Variants in ACBD5 observed in about 807,000 individuals in gnomAD.
ACBD5 encodes acyl-CoA-binding domain-containing protein 5.
A neutral mutation model predicts 71.8 loss-of-function variants in ACBD5; 40 were observed. The ratio of observed to expected loss-of-function variants is 0.56; its 90% CI spans 0.43 to 0.72. The LOEUF is 0.72. Ranked by LOEUF, ACBD5 falls within the 30% of genes least tolerant of loss-of-function variation. The pLI is 0.00. For synonymous variants in ACBD5, 229 were observed against 218.6 expected (o/e 1.05, Z -0.42); for missense variants, 559 against 644.5 (o/e 0.87, Z 1.44).
At chr10:27,213,556 G>A (rs955474034) in intron 8 of ACBD5, among the ~76,000 whole-genome samples, 3 of 152,098 alleles carry the variant, frequency 2.0e-5, no homozygotes, top group East Asian at 1.9e-4. Flanking sequence ...TCAGGAGTTC[G>A]AGACCAGCCT....
In ACBD5 at chr10:27,240,485, CTG is replaced by C. The variant is rs1319761196; in HGVS notation, c.16-3_16-2del. The C allele has an allele frequency of 1.9e-6, 3 of 1,607,192 alleles. No homozygotes were observed. Among genetic ancestry groups the C allele is most frequent in the South Asian group, 1.1e-5 (1 of 90,500 alleles). The stretch of plus-strand genomic sequence containing the variant: ...AGCTTTCCCAAGAGCCTGCATGAAA[CTG>C]GAACATGGAGCGCAGCCGCGGATCA... On this transcript the variant is annotated splice_acceptor_variant and splice_polypyrimidine_tract_variant and intron_variant, in intron 1 of 12. Transcript: ENST00000396271. LOFTEE classifies it high-confidence loss of function. This position sits in a 1 kb window ranked among gnomAD's most constrained non-coding sequence, Gnocchi z 4.1.
At chr10:27,193,642 C>T (rs1175863652), downstream of ACBD5, 1 of 152,188 alleles carries the variant, frequency 6.6e-6, no homozygotes, top group Non-Finnish European at 1.5e-5. Flanking sequence ...GCTTTCTGCG[C>T]TTCACTCTGT....
intron 13 of ACBD5, chr10:27,186,605 T>C (rs2058767601): frequency 7.7e-7 from 1 of 1,299,862 alleles, no homozygotes. Flanking sequence ...TACTCCTTAA[T>C]ACTAGATTGA....
chr10:27,185,154 G>GT (rs1271071015), intron 13 of ACBD5, among the ~76,000 whole-genome samples: 1 of 152,164 alleles, frequency 6.6e-6, no homozygotes, highest in Non-Finnish European at 1.5e-5. Flanking sequence ...GGAGAAGGGG[G>GT]TGAGCTTCAT....
intron 5 of ACBD5, among the ~76,000 whole-genome samples, chr10:27,221,765 T>C (rs2062365244): frequency 6.6e-6 from 1 of 151,720 alleles, no homozygotes; most frequent in Non-Finnish European, 1.5e-5. Flanking sequence ...AATACAAAAA[T>C]TAGCCATACA....
intron 7 of ACBD5, among the ~76,000 whole-genome samples, chr10:27,216,884 C>T (rs186160666): frequency 6.6e-5 from 10 of 152,112 alleles, no homozygotes; most frequent in African/African-American, 1.4e-4. Context: ...CTGTGGCTCA[C>T]GCCTGTAATC....
At chr10:27,214,193 G>A (rs1379490574) in intron 8 of ACBD5, among the ~76,000 whole-genome samples, 4 of 152,016 alleles carry the variant, frequency 2.6e-5, no homozygotes, top group South Asian at 4.1e-4. Flanking sequence ...GGCTATAGTC[G>A]GCAATACTTT....
chr10:27,200,353 A>G (rs1381206504), intron 12 of ACBD5, among the ~76,000 whole-genome samples: 1 of 152,186 alleles, frequency 6.6e-6, no homozygotes, highest in Non-Finnish European at 1.5e-5. Flanking sequence ...TATGGTCTAA[A>G]AAGGGGAGGC....
chr10:27,229,555 GAAT>G (rs1188609409), intron 4 of ACBD5, among the ~76,000 whole-genome samples: 1 of 151,806 alleles, frequency 6.6e-6, no homozygotes, highest in African/African-American at 2.4e-5. Context: ...AAAAAAAAAA[GAAT>G]AATGACAAAA....
intron 5 of ACBD5, among the ~76,000 whole-genome samples, chr10:27,221,058 G>A (rs774555109): frequency 1.6e-4 from 24 of 152,154 alleles, no homozygotes; most frequent in Non-Finnish European, 3.2e-4. Flanking sequence ...AAGATCAAAG[G>A]AGTAAATAAC....
intron 4 of ACBD5, among the ~76,000 whole-genome samples, chr10:27,229,831 A>C (rs1250634442): frequency 6.6e-6 from 1 of 152,208 alleles, no homozygotes; most frequent in Non-Finnish European, 1.5e-5. Flanking sequence ...TCATATTCAC[A>C]ATACGCAATG....
intron 12 of ACBD5, among the ~76,000 whole-genome samples, chr10:27,199,251 C>T (rs1313404986): frequency 2.0e-5 from 3 of 150,716 alleles, no homozygotes; most frequent in African/African-American, 4.9e-5. Context: ...TGCAGTGGCG[C>T]GCGACCTCGG....
At chr10:27,220,322 G>A (rs2062177487) in intron 5 of ACBD5, 1 of 153,274 alleles carries the variant, frequency 6.5e-6, no homozygotes, top group Non-Finnish European at 1.4e-5. Context: ...CTGTCTTTAT[G>A]ATATTTAAGT....
intron 4 of ACBD5, among the ~76,000 whole-genome samples, chr10:27,223,833 CT>C (rs2062672326): frequency 6.6e-6 from 1 of 151,980 alleles, no homozygotes; most frequent in South Asian, 2.1e-4. Flanking sequence ...TTACATGAGC[CT>C]GGGAGGTCGA....
chr10:27,218,024 T>C lies in ACBD5; in HGVS notation c.785A>G (p.Glu262Gly). 1 of 1,614,176 alleles carries C rather than the reference T, an allele frequency of 6.2e-7. No individual in the cohort carries two copies. The part of the protein sequence containing the change: ...RSTEEVKPID[E>G]NLGQTGKSAV... ...AGATTTTCCAGTTTGCCCCAAGTTT[T>C]CATCAATGGGCTTTACTTCTTCAGT... Residue 262 changes from glutamate (E) to glycine (G), a missense_variant, in exon 7 of 13, where the codon GAA (glutamate) becomes GGA (glycine). By Grantham distance (98) the Glu-to-Gly change is moderately conservative (BLOSUM62 -2). Coordinates refer to ENST00000396271, the MANE Select transcript of ACBD5 (RefSeq NM_145698.5).
In ACBD5 at chr10:27,235,092, C is replaced by T. The variant is rs1356150153; in HGVS notation, c.302G>A (p.Trp101Ter). 3 of 1,613,606 alleles carry T rather than the reference C, an allele frequency of 1.9e-6. No homozygotes were observed. Among genetic ancestry groups the T allele is most frequent in the Non-Finnish European group, 2.5e-6 (3 of 1,179,810 alleles). The change falls in exon 3 of 13, where the codon TGG becomes TAG. Residue 101 changes from tryptophan (W) to a stop codon, truncating the protein, a stop_gained and splice_region_variant. Transcript: ENST00000396271. LOFTEE classifies it high-confidence loss of function. The part of the protein sequence containing the change: ...GFWDPIGRYK[W>*]DAWSSLGDMT... ...TGCATAGCTCTACACAAAAAATTAC[C>T]ATTTATATCTTCCAATAGGATCCCA... is the stretch of plus-strand genomic sequence containing the variant.
At chr10:27,235,534 C>T (rs995434606) in intron 2 of ACBD5, among the ~76,000 whole-genome samples, 1 of 152,142 alleles carries the variant, frequency 6.6e-6, no homozygotes, top group Admixed American at 6.5e-5. Flanking sequence ...TATAGAATAA[C>T]TATTATTAAG....
upstream of ACBD5, chr10:27,240,865 C>CGCA (rs1210484594): frequency 1.1e-6 from 1 of 935,402 alleles, no homozygotes; most frequent in Non-Finnish European, 1.6e-6. The surrounding 1 kb of genome is among the most constrained non-coding windows in gnomAD (Gnocchi z 4.1). Flanking sequence ...CCGCCGCCGC[C>CGCA]GCAGCAGCAG....
chr10:27,194,779 C>A (rs143380485), downstream of ACBD5, among the ~76,000 whole-genome samples: 2,187 of 151,894 alleles, frequency 0.014, 19 homozygotes, highest in Non-Finnish European at 0.022. Flanking sequence ...GGGTAGATCA[C>A]GAGGTCAAGA....
Sources: allele counts gnomAD v4.1 joint callset (sites outside exome capture counted in the v4.1 genomes callset), GRCh38; gene constraint gnomAD v4.1.1; non-coding constraint Gnocchi (gnomAD v3.1); transcripts MANE v1.5; gene names NCBI Gene and HGNC (gene_info 2026-07-23, HGNC 2026-07-21).